ALX4: variants seen among roughly 807,000 people sequenced by gnomAD.
ALX4 encodes ALX homeobox 4, also known as homeobox protein aristaless-like 4.
ALX4 carries 22 observed loss-of-function variants against 40.6 expected under a neutral mutation model. The ratio of observed to expected loss-of-function variants is 0.54; its 90% CI spans 0.39 to 0.77. The LOEUF (loss-of-function observed/expected upper bound fraction) is 0.77. Among genes scored for constraint, ALX4 ranks in the 30% least tolerant of loss-of-function variants. The pLI, the probability that ALX4 is intolerant of heterozygous loss-of-function variation, is 0.00. For synonymous variants in ALX4, 266 were observed against 240.5 expected (o/e 1.11, Z -0.98); for missense variants, 556 against 564.8 (o/e 0.98, Z 0.16).
chr11:44,289,864 C>T (rs180820573), intron 1 of ALX4, among the ~76,000 whole-genome samples: 115 of 152,284 alleles, frequency 7.6e-4, no homozygotes, highest in Non-Finnish European at 1.3e-3. Flanking sequence ...CATCTCATGG[C>T]GTGGGTGGTT....
intron 1 of ALX4, among the ~76,000 whole-genome samples, chr11:44,293,147 GGAAGGAAGGAAGGAAGGAAGGAA>G (rs1389876274): frequency 0.018 from 1,589 of 86,886 alleles, 122 homozygotes; most frequent in African/African-American, 0.056. Flanking sequence ...AAGGAAGGAA[GGAAGGAAGGAAGGAAGGAAGGAA>G]GCAGGCAGGC....
intron 2 of ALX4, among the ~76,000 whole-genome samples, chr11:44,272,544 G>A (rs1440459945): frequency 6.7e-6 from 1 of 149,986 alleles, no homozygotes; most frequent in Non-Finnish European, 1.5e-5. Context: ...GGTGGCTCAC[G>A]CCTGTAATCT....
intron 1 of ALX4, among the ~76,000 whole-genome samples, chr11:44,296,463 T>C (rs1956403116): frequency 6.6e-6 from 1 of 152,202 alleles, no homozygotes; most frequent in African/African-American, 2.4e-5. Context: ...ATTGTACTTC[T>C]TCATCAAAAT....
intron 1 of ALX4, among the ~76,000 whole-genome samples, chr11:44,296,457 T>C (rs1448339052): frequency 6.6e-6 from 1 of 152,224 alleles, no homozygotes; most frequent in Admixed American, 6.5e-5. Flanking sequence ...TGAAAAATTG[T>C]ACTTCTTCAT....
chr11:44,289,799 T>C (rs972764104), intron 1 of ALX4, among the ~76,000 whole-genome samples: 3 of 152,158 alleles, frequency 2.0e-5, no homozygotes, highest in Non-Finnish European at 2.9e-5. Context: ...CCCTGTCAGC[T>C]TCTCTCCTCA....
intron 1 of ALX4, among the ~76,000 whole-genome samples, chr11:44,276,922 G>A (rs574534312): frequency 1.3e-4 from 20 of 152,220 alleles, no homozygotes; most frequent in Middle Eastern, 3.4e-3. Flanking sequence ...TCCTGTGTGC[G>A]GCCCGGTTAC....
At chr11:44,266,254 G>T (rs2135306466) in intron 3 of ALX4, among the ~76,000 whole-genome samples, 1 of 152,274 alleles carries the variant, frequency 6.6e-6, no homozygotes, top group South Asian at 2.1e-4. Flanking sequence ...GGTGAACAGG[G>T]CCCTGTGTTG....
chr11:44,301,652 C>T (rs1010505076), intron 1 of ALX4, among the ~76,000 whole-genome samples: 1 of 152,152 alleles, frequency 6.6e-6, no homozygotes, highest in Admixed American at 6.5e-5. Context: ...TTGCAGGAGT[C>T]GCATCCAACA....
At position 44,275,462 on chromosome 11, in the gene ALX4, G is replaced by A. The variant is rs770858153; in HGVS notation, c.663C>T (p.Phe221=). The A allele has an allele frequency of 3.1e-6, 5 of 1,614,214 alleles. No individual in the cohort carries two copies. In the South Asian group the frequency reaches 5.5e-5, roughly 18 times the overall value. Residue 221 remains phenylalanine (F), a synonymous_variant, in exon 2 of 4, where the codon TTC becomes TTT. Transcript: ENST00000652299. ...KGKKRRNRTT[F]TSYQLEELEK... ...CCAGCTCCTCCAGCTGGTAGCTGGT[G>A]AAGGTGGTCCGGTTCCGCCGCTTCT...
chr11:44,308,814 C>T (rs1956484903), intron 1 of ALX4, among the ~76,000 whole-genome samples: 1 of 152,242 alleles, frequency 6.6e-6, no homozygotes, highest in South Asian at 2.1e-4. Flanking sequence ...GACTTCCTGT[C>T]TCCCTTCCTA....
intron 1 of ALX4, among the ~76,000 whole-genome samples, chr11:44,305,856 G>C (rs1349122097): frequency 1.3e-5 from 2 of 152,258 alleles, no homozygotes; most frequent in African/African-American, 4.8e-5. Context: ...AAGCGAAAGG[G>C]AAGGGAGAAG....
At position 44,287,374 on chromosome 11, in the gene ALX4, A is replaced by G. The variant is rs1956344914; in HGVS notation, c.467-11716T>C. Among the ~76,000 whole-genome samples, 3 of 152,150 alleles carry G rather than the reference A, an allele frequency of 2.0e-5. No individual in the cohort carries two copies. The South Asian group carries it at 6.2e-4, about 32-fold the overall frequency. ...GTACTAGGGCATCTATTATGCCACC[A>G]GTAGGGTTCCAGCCTCTTTACAACC... On this transcript the variant is annotated intron_variant, in intron 1 of 3. Coordinates refer to ENST00000652299, the MANE Select transcript of ALX4 (RefSeq NM_021926.4).
At chr11:44,303,881 T>C (rs577469127) in intron 1 of ALX4, among the ~76,000 whole-genome samples, 15 of 152,162 alleles carry the variant, frequency 9.9e-5, no homozygotes, top group Admixed American at 2.6e-4. Context: ...ACCCCTCTAC[T>C]GGGTGAGGAA....
intron 1 of ALX4, among the ~76,000 whole-genome samples, chr11:44,283,098 T>C (rs774578266): frequency 6.6e-6 from 1 of 151,820 alleles, no homozygotes. Context: ...AATACAAAAA[T>C]TCGTCGGGCA....
intron 1 of ALX4, among the ~76,000 whole-genome samples, chr11:44,293,435 A>G (rs1314681617): frequency 6.6e-6 from 1 of 151,716 alleles, no homozygotes; most frequent in Non-Finnish European, 1.5e-5. Context: ...AAAAATATAT[A>G]TATAATGCAT....
chr11:44,299,629 G>C (rs900941455), intron 1 of ALX4, among the ~76,000 whole-genome samples: 4 of 152,078 alleles, frequency 2.6e-5, no homozygotes, highest in African/African-American at 9.7e-5. Flanking sequence ...CAAAATGCTG[G>C]GATTACGGGC....
At chr11:44,282,353 C>A (rs533992618) in intron 1 of ALX4, among the ~76,000 whole-genome samples, 1 of 78,632 alleles carries the variant, frequency 1.3e-5, no homozygotes, top group Non-Finnish European at 3.8e-5. Context: ...TGCCAAGTTA[C>A]GGCGATGTAT....
chr11:44,284,132 T>A (rs539065467), intron 1 of ALX4, among the ~76,000 whole-genome samples: 3 of 151,298 alleles, frequency 2.0e-5, no homozygotes, highest in Non-Finnish European at 4.4e-5. Context: ...AGGAAGGGAG[T>A]GGAGCATTTG....
intron 1 of ALX4, among the ~76,000 whole-genome samples, chr11:44,307,794 C>T (rs1956477965): frequency 6.6e-6 from 1 of 151,984 alleles, no homozygotes; most frequent in Non-Finnish European, 1.5e-5. Flanking sequence ...TGTATGAGAG[C>T]TGTGTGTGTC....
Sources: allele counts gnomAD v4.1 joint callset (sites outside exome capture counted in the v4.1 genomes callset), GRCh38; gene constraint gnomAD v4.1.1; transcripts MANE v1.5; gene names NCBI Gene and HGNC (gene_info 2026-07-23, HGNC 2026-07-21).